IRX6: variants seen among roughly 807,000 people sequenced by gnomAD.
The protein encoded by IRX6 is iroquois homeobox 6.
A neutral mutation model predicts 47.7 loss-of-function variants in IRX6; 46 were observed. The ratio of observed to expected loss-of-function variants is 0.96; its 90% CI spans 0.76 to 1.23. The LOEUF (loss-of-function observed/expected upper bound fraction) is 1.23, where lower values mean the gene tolerates loss of function less well. Ranked by LOEUF, IRX6 falls within the 50% of genes most tolerant of loss-of-function variation. IRX6 has a pLI of 0.00. For missense variants in IRX6, 722 were observed against 588.0 expected (o/e 1.23, Z -2.36); for synonymous variants, 265 against 246.2 (o/e 1.08, Z -0.72).
In IRX6 at chr16:55,328,868, C is replaced by A; in HGVS notation, c.890C>A (p.Ala297Asp). 2 of 1,612,944 alleles carry A rather than the reference C, an allele frequency of 1.2e-6. No homozygotes were observed. The highest frequency in any genetic ancestry group is 1.7e-6 in the Non-Finnish European group (2 of 1,179,946). The change falls in exon 5 of 6, where the codon GCT becomes GAT. Residue 297 changes from alanine (A) to aspartate (D), a missense_variant. Ala to Asp is a moderately radical substitution (Grantham distance 126). Transcript: ENST00000290552. ...KGAQSLPGPCAAAREGRLERR... is the reference protein window; with the variant it reads ...KGAQSLPGPCDAAREGRLERR... ...GCGCAGTCACTGCCTGGGCCGTGCG[C>A]TGCAGCTCGAGAGGGCCGATTGGAG...
chr16:55,327,572 G>A lies in IRX6; in HGVS notation c.414-14G>A. 1.3e-6 allele frequency: 2 copies of A among 1,584,818 alleles called. No individual in the cohort carries two copies. The highest frequency in any genetic ancestry group is 8.6e-7 in the Non-Finnish European group (1 of 1,165,300). On this transcript the variant is annotated splice_polypyrimidine_tract_variant and intron_variant, in intron 3 of 5. Transcript: ENST00000290552. ...GTTCCTCTTCTATAATGTGAGCCAG[G>A]TTCTCCCCCACAGGTATGGCGCAGT...
intron 1 of IRX6, 35 bp downstream of exon 1, chr16:55,325,171 C>A: frequency 6.2e-7 from 1 of 1,607,258 alleles, no homozygotes; most frequent in Non-Finnish European, 8.5e-7. Context: ...AGGGGACAGA[C>A]TGGGTGGAGG....
chr16:55,326,556 C>G lies in IRX6; in HGVS notation c.266C>G (p.Pro89Arg). The G allele has an allele frequency of 6.3e-7, 1 of 1,576,098 alleles. No individual in the cohort carries two copies. The highest frequency in any genetic ancestry group is 8.6e-7 in the Non-Finnish European group (1 of 1,159,710). ...AAAQSYPGYL[P>R]YSPEPPSLYG... is the part of the protein sequence containing the mutation. The stretch of plus-strand genomic sequence containing the variant: ...GCCCAGAGCTACCCTGGCTACCTGC[C>G]CTATAGCCCAGAGCCCCCCTCACTG... The change falls in exon 2 of 6, where the codon CCC (proline) becomes CGC (arginine). Residue 89 changes from proline to arginine, a missense_variant. Pro to Arg is a moderately radical substitution (Grantham distance 103, BLOSUM62 -2). Coordinates refer to ENST00000290552, the MANE Select transcript of IRX6 (RefSeq NM_024335.3).
Position 55,328,695 on chromosome 16 carries a change from T to A in IRX6, c.722-5T>A, listed in dbSNP as rs1325985074. On this transcript the variant is annotated splice_polypyrimidine_tract_variant and splice_region_variant and intron_variant, in intron 4 of 5. Coordinates refer to ENST00000290552, the MANE Select transcript of IRX6 (RefSeq NM_024335.3). ...CTTTTCTCACTCGCTCTTGATTTCC[T>A]GCAGAAGTTACTGCTAGCCAGGAGG... 1 of 1,612,368 alleles carries A rather than the reference T, an allele frequency of 6.2e-7. No individual in the cohort carries two copies. Among genetic ancestry groups the A allele is most frequent in the East Asian group, 2.2e-5 (1 of 44,856 alleles).
Position 55,327,628 on chromosome 16 carries a change from C to A in IRX6, c.456C>A (p.Asn152Lys). 1 of 1,610,202 alleles carries A rather than the reference C, an allele frequency of 6.2e-7. No individual in the cohort carries two copies. The highest frequency in any genetic ancestry group is 2.2e-5 in the East Asian group (1 of 44,856). Residue 152 changes from asparagine (N) to lysine (K), a missense_variant, in exon 4 of 6, where the codon AAC (asparagine) becomes AAA (lysine). Asn to Lys is a moderately conservative substitution (Grantham distance 94). Transcript: ENST00000290552. ...TGAGTGGCGCCGGTCGCCGAAAGAA[C>A]GCGACCCGGGAGACCACCAGTACAC... The part of the protein sequence containing the change: ...VELSGAGRRK[N>K]ATRETTSTLK...
At chr16:55,327,480 G>T (rs1478409523) in intron 3 of IRX6, 75 bp downstream of exon 3, 8 of 1,565,998 alleles carry the variant, frequency 5.1e-6, no homozygotes, top group Non-Finnish European at 5.3e-6. Context: ...GTGGATGGCG[G>T]CAGGGGAGAG....
chr16:55,327,526 G>T, intron 3 of IRX6, 60 bp from the exon 4 acceptor site: 1 of 1,577,356 alleles, frequency 6.3e-7, no homozygotes, highest in South Asian at 1.2e-5. Flanking sequence ...GCCACAGACT[G>T]TCCTCTGCCT....
intron 4 of IRX6, 134 bp from the exon 5 acceptor site, chr16:55,328,566 G>A (rs574598519): frequency 3.9e-5 from 34 of 882,606 alleles, no homozygotes; most frequent in African/African-American, 3.5e-4. Flanking sequence ...GGGGTGGTAC[G>A]GCAGGTCTGG....
rs199886838 is a variant in IRX6, at chr16:55,329,311, G to A, written c.1333G>A (p.Ala445Thr). The A allele has an allele frequency of 8.8e-5, 140 of 1,593,032 alleles. No individual in the cohort carries two copies. The highest frequency in any genetic ancestry group is 1.2e-4 in the Non-Finnish European group (139 of 1,167,880). Reference protein sequence around the residue: ...VQCQYPSGAEAG With the variant: ...VQCQYPSGAETG ...GTGCCAGTACCCGTCTGGAGCAGAA[G>A]GTAGTGGGCCCCCAGCGGCGCTGGG... Residue 445 changes from alanine (A) to threonine (T), a missense_variant and splice_region_variant, in exon 5 of 6, where the codon GCA (alanine) becomes ACA (threonine). Transcript: ENST00000290552.
At chr16:55,325,182 G>T in intron 1 of IRX6, 46 bp downstream of exon 1, 1 of 1,589,592 alleles carries the variant, frequency 6.3e-7, no homozygotes, top group South Asian at 1.1e-5. Context: ...TGGGTGGAGG[G>T]AGTGCCTAGT....
chr16:55,328,610 G>T lies in IRX6; in HGVS notation c.722-90G>T, dbSNP rs199544708. 3,846 of 1,340,320 alleles carry T rather than the reference G, an allele frequency of 2.9e-3. 9 individuals carry two copies. Among genetic ancestry groups the T allele is most frequent in the Non-Finnish European group, 3.7e-3 (3,540 of 965,202 alleles). 83.0% of individuals were successfully genotyped at this position (1,340,320 alleles called of 1,614,324 possible). On this transcript the variant is annotated intron_variant, in intron 4 of 5. Coordinates refer to ENST00000290552, the MANE Select transcript of IRX6 (RefSeq NM_024335.3). ...ACTGAGGATGCCCTGAGTGCAGGGCGCTTCTTGCTAAAAGCTTCTCGGGGA... is the reference window on the plus strand; with the variant it reads ...ACTGAGGATGCCCTGAGTGCAGGGCTCTTCTTGCTAAAAGCTTCTCGGGGA...
At chr16:55,326,296 G>GGGGGGGGGGGGGGGGGGGGGGGGT (rs1555483998) in intron 1 of IRX6, 40 bp from the exon 2 acceptor site, 1 of 1,472,024 alleles carries the variant, frequency 6.8e-7, no homozygotes, top group Non-Finnish European at 9.2e-7. Flanking sequence ...GGTGGGGGGG[G>GGGGGGGGGGGGGGGGGGGGGGGGT]GGTCTCTGAC....
At position 55,326,348 on chromosome 16, in the gene IRX6, G is replaced by T; in HGVS notation, c.58G>T (p.Ala20Ser). The change falls in exon 2 of 6, where the codon GCA becomes TCA. Residue 20 changes from alanine to serine, a missense_variant. Ala to Ser is a moderately conservative substitution (Grantham distance 99). Transcript: ENST00000290552. ...YRGASQFLASASSSTTCCEST... is the reference protein window; with the variant it reads ...YRGASQFLASSSSSTTCCEST... ...CTTGCCCCTATAGTTTCTGGCGTCG[G>T]CAAGTTCCAGCACCACATGCTGCGA... 6.2e-7 allele frequency: 1 copy of T among 1,612,924 alleles called. No individual in the cohort carries two copies. The highest frequency in any genetic ancestry group is 8.5e-7 in the Non-Finnish European group (1 of 1,179,434).
chr16:55,325,892 G>A (rs377649721), intron 1 of IRX6: 41 of 167,390 alleles, frequency 2.4e-4, no homozygotes, highest in South Asian at 1.9e-3. Flanking sequence ...TCTTAGACAA[G>A]TCTCACACTC....
chr16:55,328,057 C>G (rs1960568847), intron 4 of IRX6, among the ~76,000 whole-genome samples, 164 bp downstream of exon 4: 1 of 152,094 alleles, frequency 6.6e-6, no homozygotes, highest in Admixed American at 6.5e-5. Flanking sequence ...TGCCTTCTAC[C>G]TGTAATTCTC....
chr16:55,328,934 A>G lies in IRX6; in HGVS notation c.956A>G (p.Asn319Ser), dbSNP rs779240912. ...CTGGCTGCGCCCCGCTTCTCCTTCA[A>G]TGACCCTTCCGGATCGGAAGAAGCT... Reference protein sequence around the residue: ...CGLAAPRFSFNDPSGSEEADF... With the variant: ...CGLAAPRFSFSDPSGSEEADF... Residue 319 changes from asparagine to serine, a missense_variant, in exon 5 of 6, where the codon AAT becomes AGT. Coordinates refer to ENST00000290552, the MANE Select transcript of IRX6 (RefSeq NM_024335.3). The G allele has an allele frequency of 3.1e-6, 5 of 1,613,428 alleles. No individual in the cohort carries two copies. Among genetic ancestry groups the G allele is most frequent in the Admixed American group, 3.3e-5 (2 of 60,018 alleles).
At chr16:55,328,351 A>G (rs1172217531) in intron 4 of IRX6, among the ~76,000 whole-genome samples, 3 of 152,202 alleles carry the variant, frequency 2.0e-5, no homozygotes, top group South Asian at 2.1e-4. Context: ...AACAGCAGCC[A>G]CTTGTAGATG....
At position 55,327,722 on chromosome 16, in the gene IRX6, A is replaced by G. The variant is rs762110992; in HGVS notation, c.550A>G (p.Ile184Val). ...TAAGGGTGAGAAGATCATGCTGGCC[A>G]TCATCACCAAGATGACCCTCACCCA... is the stretch of plus-strand genomic sequence containing the variant. ...PTKGEKIMLA[I>V]ITKMTLTQVS... Residue 184 changes from isoleucine to valine, a missense_variant, in exon 4 of 6, where the codon ATC becomes GTC. Transcript: ENST00000290552. 2.5e-6 allele frequency: 4 copies of G among 1,612,286 alleles called. No individual in the cohort carries two copies. The highest frequency in any genetic ancestry group is 3.4e-6 in the Non-Finnish European group (4 of 1,180,008).
At position 55,329,222 on chromosome 16, in the gene IRX6, T is replaced by C; in HGVS notation, c.1244T>C (p.Phe415Ser). The C allele has an allele frequency of 6.2e-7, 1 of 1,613,998 alleles. No individual in the cohort carries two copies. Among genetic ancestry groups the C allele is most frequent in the East Asian group, 2.2e-5 (1 of 44,852 alleles). ...CCCAAAGCCTTTGGAAACCCCAAGT[T>C]TGCCCTGCAGGGACTACCGCTGAAC... ...CIPKAFGNPKFALQGLPLNCA... is the reference protein window; with the variant it reads ...CIPKAFGNPKSALQGLPLNCA... Residue 415 changes from phenylalanine to serine, a missense_variant, in exon 5 of 6, where the codon TTT (phenylalanine) becomes TCT (serine). Transcript: ENST00000290552.
Sources: gnomAD v4.1 joint callset for allele counts (sites outside exome capture counted in the v4.1 genomes callset) on GRCh38, gnomAD v4.1.1 for gene constraint, MANE v1.5 for transcripts, NCBI Gene and HGNC (gene_info 2026-07-23, HGNC 2026-07-21) for gene names.